Variants in KCTD1 observed in about 807,000 individuals in gnomAD.
The protein encoded by KCTD1 is potassium channel tetramerization domain containing 1, also known as BTB/POZ domain-containing protein KCTD1.
KCTD1 carries 24 observed loss-of-function variants against 66.0 expected under a neutral mutation model. That is an observed-to-expected ratio of 0.36 (90% CI 0.26 to 0.51). The LOEUF (loss-of-function observed/expected upper bound fraction) is 0.51. Among genes scored for constraint, KCTD1 ranks in the 20% least tolerant of loss-of-function variants. KCTD1 has a pLI of 0.95. For synonymous variants in KCTD1, 511 were observed against 517.2 expected, an observed-to-expected ratio of 0.99 and a Z score of 0.16; for missense variants, 943 against 1,205.2, an observed-to-expected ratio of 0.78 and a Z score of 3.22.
chr18:26,469,071 C>G (rs978114098), intron 3 of KCTD1, among the ~76,000 whole-genome samples: 3 of 152,130 alleles, frequency 2.0e-5, no homozygotes, highest in African/African-American at 7.2e-5. Flanking sequence ...CTCCCAGGTC[C>G]CAGAACACCC....
intron 1 of KCTD1, among the ~76,000 whole-genome samples, chr18:26,649,377 C>T (rs540585920): frequency 2.0e-5 from 3 of 152,234 alleles, no homozygotes; most frequent in African/African-American, 4.8e-5. Context: ...CACCAGATAA[C>T]AAGGTCTGCT....
intron 1 of KCTD1, among the ~76,000 whole-genome samples, chr18:26,624,000 G>T (rs115396771): frequency 0.014 from 2,172 of 152,314 alleles, 45 homozygotes; most frequent in African/African-American, 0.049. Context: ...TGAGGAACTT[G>T]TTGGGAACTG....
At chr18:26,538,072 C>G (rs550479735) in intron 1 of KCTD1, among the ~76,000 whole-genome samples, 1 of 151,620 alleles carries the variant, frequency 6.6e-6, no homozygotes, top group South Asian at 2.1e-4. Context: ...CATGGTGAAA[C>G]GCTGTCTCTA....
intron 1 of KCTD1, among the ~76,000 whole-genome samples, chr18:26,647,044 T>C (rs1281965677): frequency 6.6e-6 from 1 of 152,192 alleles, no homozygotes; most frequent in Non-Finnish European, 1.5e-5. Flanking sequence ...CTGTGGCTAT[T>C]TCTACTAAGT....
intron 1 of KCTD1, among the ~76,000 whole-genome samples, chr18:26,600,903 A>G (rs1986879498): frequency 6.6e-6 from 1 of 151,984 alleles, no homozygotes; most frequent in African/African-American, 2.4e-5. Flanking sequence ...GTAGCATTGC[A>G]TCTGTGTCCT....
chr18:26,484,014 C>A (rs1159617351), intron 2 of KCTD1, among the ~76,000 whole-genome samples: 1 of 152,080 alleles, frequency 6.6e-6, no homozygotes, highest in African/African-American at 2.4e-5. Flanking sequence ...AAAAGTTTTT[C>A]TGTTAAAAAA....
intron 1 of KCTD1, among the ~76,000 whole-genome samples, chr18:26,602,784 G>C (rs1338700302): frequency 6.6e-6 from 1 of 152,192 alleles, no homozygotes; most frequent in Non-Finnish European, 1.5e-5. Context: ...AGCTGTATCA[G>C]TTCAGCATAT....
chr18:26,654,558 T>C (rs535048249), intron 1 of KCTD1, among the ~76,000 whole-genome samples: 4 of 152,308 alleles, frequency 2.6e-5, no homozygotes, highest in Non-Finnish European at 4.4e-5. Flanking sequence ...CTAGTGTGTG[T>C]TGGAGAACTT....
intron 1 of KCTD1, among the ~76,000 whole-genome samples, chr18:26,541,321 C>T (rs1001392534): frequency 2.6e-5 from 4 of 152,188 alleles, no homozygotes; most frequent in African/African-American, 7.2e-5. Flanking sequence ...AAGCACACTA[C>T]GTACATGCAG....
upstream of KCTD1, among the ~76,000 whole-genome samples, chr18:26,631,376 A>G (rs184855531): frequency 1.3e-4 from 20 of 152,338 alleles, no homozygotes; most frequent in African/African-American, 4.8e-4. Flanking sequence ...GGTATAGCCT[A>G]TTGCTCCTAG....
chr18:26,636,922 T>C (rs1408786579), intron 1 of KCTD1, among the ~76,000 whole-genome samples: 1 of 152,232 alleles, frequency 6.6e-6, no homozygotes, highest in Non-Finnish European at 1.5e-5. Context: ...ATCCTCATTA[T>C]ACAGAAGAGG....
chr18:26,566,000 C>A (rs767775285), intron 1 of KCTD1: 10 of 151,744 alleles, frequency 6.6e-5, no homozygotes, highest in Non-Finnish European at 1.5e-4. Flanking sequence ...TTTTCCCCCC[C>A]CAAGATAACT....
At chr18:26,636,261 C>T (rs539109110) in intron 1 of KCTD1, among the ~76,000 whole-genome samples, 1 of 152,192 alleles carries the variant, frequency 6.6e-6, no homozygotes, top group East Asian at 1.9e-4. Context: ...TCATGGCGGT[C>T]TGGTTGCTGG....
chr18:26,558,974 T>C (rs1266600838), intron 1 of KCTD1, among the ~76,000 whole-genome samples: 1 of 151,840 alleles, frequency 6.6e-6, no homozygotes, highest in Non-Finnish European at 1.5e-5. Context: ...AATGAGATCC[T>C]GTCATTTGCA....
intron 1 of KCTD1, among the ~76,000 whole-genome samples, chr18:26,576,285 A>G (rs1036257533): frequency 8.5e-5 from 13 of 152,246 alleles, no homozygotes; most frequent in Non-Finnish European, 1.6e-4. Flanking sequence ...AGTACAATGC[A>G]TAGTACATGG....
chr18:26,533,236 T>C (rs1295104186), intron 1 of KCTD1, among the ~76,000 whole-genome samples: 1 of 152,256 alleles, frequency 6.6e-6, no homozygotes, highest in Non-Finnish European at 1.5e-5. Context: ...TAACTGCGAT[T>C]CACACTTTAT....
intron 1 of KCTD1, among the ~76,000 whole-genome samples, chr18:26,606,944 T>C (rs1471877831): frequency 6.6e-6 from 1 of 152,244 alleles, no homozygotes; most frequent in Non-Finnish European, 1.5e-5. Flanking sequence ...AGTAAACTCC[T>C]AAACTTATCT....
chr18:26,621,461 C>T (rs958198879), intron 1 of KCTD1, among the ~76,000 whole-genome samples: 1 of 152,028 alleles, frequency 6.6e-6, no homozygotes, highest in Admixed American at 6.6e-5. Context: ...TCGTCTTAGC[C>T]GTCCAAGAGC....
chr18:26,593,980 G>C (rs10502475), intron 1 of KCTD1, among the ~76,000 whole-genome samples: 37,113 of 151,740 alleles, frequency 0.24, 4,708 homozygotes, highest in East Asian at 0.34. Context: ...ATTATAAAAA[G>C]AGTGGAATAT....
Sources: allele counts gnomAD v4.1 joint callset (sites outside exome capture counted in the v4.1 genomes callset), GRCh38; gene constraint gnomAD v4.1.1; transcripts MANE v1.5; gene names NCBI Gene and HGNC (gene_info 2026-07-23, HGNC 2026-07-21).